NPY2R: variants seen among roughly 807,000 people sequenced by gnomAD.
NPY2R encodes the protein neuropeptide Y receptor Y2, also known as neuropeptide Y receptor type 2.
In NPY2R, 17 loss-of-function variants were observed where a neutral mutation model predicts 22.3. The ratio of observed to expected loss-of-function variants is 0.76; its 90% confidence interval spans 0.52 to 1.14. NPY2R has a LOEUF of 1.14. Ranked by LOEUF, NPY2R falls within the 50% of genes most tolerant of loss-of-function variation. The pLI, the probability that NPY2R is intolerant of heterozygous loss-of-function variation, is 0.00. For missense variants in NPY2R, 424 were observed against 467.9 expected, an observed-to-expected ratio of 0.91 and a Z score of 0.87; for synonymous variants, 209 against 183.4, an observed-to-expected ratio of 1.14 and a Z score of -1.13.
chr4:155,183,143 C>T, the NPY2R span, among the ~76,000 whole-genome samples: 25 of 152,214 alleles, frequency 1.6e-4, no homozygotes, highest in Non-Finnish European at 8.8e-5. Context: ...GGGTATTCCT[C>T]GGAGCACTCC....
chr4:155,175,943 G>A, the NPY2R span, among the ~76,000 whole-genome samples: 1 of 152,134 alleles, frequency 6.6e-6, no homozygotes. Context: ...ATCTCATAGA[G>A]CTGATATTTA....
the NPY2R span, among the ~76,000 whole-genome samples, chr4:155,185,116 T>G: frequency 7.3e-5 from 11 of 151,462 alleles, no homozygotes; most frequent in African/African-American, 2.7e-4. Context: ...CTTGGCTCAC[T>G]GCAAACTCCA....
At chr4:155,187,830 C>A in the NPY2R span, among the ~76,000 whole-genome samples, 1 of 152,128 alleles carries the variant, frequency 6.6e-6, no homozygotes, top group East Asian at 1.9e-4. Context: ...AATGTAGTTG[C>A]AAAAAATGTT....
upstream of NPY2R, chr4:155,207,097 C>T (rs1016633909): frequency 1.3e-5 from 2 of 152,174 alleles, no homozygotes; most frequent in Non-Finnish European, 2.9e-5. Flanking sequence ...GCCCAGGCTG[C>T]TTTGTTTTAT....
upstream of NPY2R, among the ~76,000 whole-genome samples, chr4:155,204,142 T>C (rs1002921796): frequency 6.6e-6 from 1 of 152,076 alleles, no homozygotes; most frequent in African/African-American, 2.4e-5. Flanking sequence ...TTAAGTCAGG[T>C]TGATATGGCT....
chr4:155,177,233 G>A, the NPY2R span, among the ~76,000 whole-genome samples: 1 of 152,130 alleles, frequency 6.6e-6, no homozygotes, highest in African/African-American at 2.4e-5. Flanking sequence ...AGACTCAAAG[G>A]TGTGTTTCTT....
the NPY2R span, among the ~76,000 whole-genome samples, chr4:155,181,054 C>T: frequency 6.6e-6 from 1 of 152,114 alleles, no homozygotes; most frequent in African/African-American, 2.4e-5. Context: ...CTAGAAAAGT[C>T]AGAATGAATA....
Position 155,216,366 on chromosome 4 carries a change from A to G in NPY2R, c.*1281A>G, listed in dbSNP as rs183247022. The G allele has an allele frequency of 1.8e-4, 30 of 166,894 alleles. No individual in the cohort carries two copies. Among genetic ancestry groups the G allele is most frequent in the Admixed American group, 5.2e-4 (8 of 15,276 alleles). The allele number at this position is 166,894 out of a possible 1,614,324, so 10.3% of individuals were successfully genotyped here. On this transcript the variant is annotated 3_prime_UTR_variant, in exon 2 of 2. Coordinates refer to ENST00000329476, the MANE Select transcript of NPY2R (RefSeq NM_000910.4). The stretch of plus-strand genomic sequence containing the variant: ...TATTATGAATAAAATTGTTATTTCA[A>G]TAGTACCCAACCAAAGATGCTTAAA...
the NPY2R span, among the ~76,000 whole-genome samples, chr4:155,199,526 T>G: frequency 1.3e-5 from 2 of 152,082 alleles, no homozygotes; most frequent in Non-Finnish European, 2.9e-5. Context: ...ACTTTAAAAT[T>G]TATATGGAAC....
rs1469155069 is a variant in NPY2R, at chr4:155,214,935, C to T, written c.996C>T (p.Tyr332=). ...TCTATGGCTGGATGAACAGCAACTA[C>T]AGAAAGGCTTTCCTCTCGGCCTTCC... ...PLLYGWMNSN[Y]RKAFLSAFRC... is the part of the protein sequence containing the mutation. The change falls in exon 2 of 2, where the codon TAC becomes TAT. Residue 332 remains tyrosine, a synonymous_variant. Coordinates refer to ENST00000329476, the MANE Select transcript of NPY2R (RefSeq NM_000910.4). 1 of 1,614,162 alleles carries T rather than the reference C, an allele frequency of 6.2e-7. No homozygotes were observed. The highest frequency in any genetic ancestry group is 1.7e-5 in the Admixed American group (1 of 60,024).
the NPY2R span, among the ~76,000 whole-genome samples, chr4:155,177,640 T>A: frequency 6.6e-6 from 1 of 151,952 alleles, no homozygotes; most frequent in African/African-American, 2.4e-5. Flanking sequence ...CCCAGTGGGG[T>A]GTCTTTGTGG....
the NPY2R span, among the ~76,000 whole-genome samples, chr4:155,179,460 G>T: frequency 6.6e-6 from 1 of 152,152 alleles, no homozygotes; most frequent in South Asian, 2.1e-4. Flanking sequence ...CTTTTAGAAG[G>T]CTTGTTTAGA....
chr4:155,196,735 C>T, the NPY2R span, among the ~76,000 whole-genome samples: 1 of 151,830 alleles, frequency 6.6e-6, no homozygotes, highest in Admixed American at 6.6e-5. Flanking sequence ...ACATGTGGCC[C>T]TGTGAGTGCC....
chr4:155,192,745 C>A, the NPY2R span, among the ~76,000 whole-genome samples: 2 of 151,810 alleles, frequency 1.3e-5, no homozygotes, highest in African/African-American at 4.8e-5. Context: ...ACAACTCTTA[C>A]GACTAACATT....
At chr4:155,192,858 T>C in the NPY2R span, among the ~76,000 whole-genome samples, 21 of 152,022 alleles carry the variant, frequency 1.4e-4, no homozygotes, top group East Asian at 4.1e-3. Flanking sequence ...ATCATTTCTG[T>C]GTAGGCTGTA....
At chr4:155,188,051 A>G in the NPY2R span, among the ~76,000 whole-genome samples, 92 of 152,300 alleles carry the variant, frequency 6.0e-4, no homozygotes, top group South Asian at 7.0e-3. Context: ...ATATCATTGA[A>G]AAGACATGCC....
chr4:155,181,235 A>G, the NPY2R span, among the ~76,000 whole-genome samples: 1 of 152,174 alleles, frequency 6.6e-6, no homozygotes, highest in Non-Finnish European at 1.5e-5. Context: ...ATACTTCAGG[A>G]TATCTAGACT....
the NPY2R span, among the ~76,000 whole-genome samples, chr4:155,194,709 G>T: frequency 6.6e-6 from 1 of 151,904 alleles, no homozygotes; most frequent in Non-Finnish European, 1.5e-5. Flanking sequence ...ACACATAAAT[G>T]CATGTGTCTT....
At chr4:155,198,003 GT>G in the NPY2R span, among the ~76,000 whole-genome samples, 1 of 151,986 alleles carries the variant, frequency 6.6e-6, no homozygotes, top group Admixed American at 6.6e-5. Flanking sequence ...TAATTTCTTT[GT>G]ATCACAGCAA....
Sources: allele counts gnomAD v4.1 joint callset (sites outside exome capture counted in the v4.1 genomes callset), GRCh38; gene constraint gnomAD v4.1.1; transcripts MANE v1.5; gene names NCBI Gene and HGNC (gene_info 2026-07-23, HGNC 2026-07-21).